The following PRELP variants were observed in gnomAD, a reference collection of about 807,000 sequenced individuals.
PRELP encodes prolargin.
A neutral mutation model predicts 22.8 loss-of-function variants in PRELP; 16 were observed. That is an observed-to-expected ratio of 0.70 (90% CI 0.47 to 1.06). The LOEUF (loss-of-function observed/expected upper bound fraction) is 1.06, where lower values mean the gene tolerates loss of function less well. Among genes scored for constraint, PRELP ranks in the 50% least tolerant of loss-of-function variants. The pLI is 0.00. For synonymous variants in PRELP, 233 were observed against 211.4 expected, an observed-to-expected ratio of 1.10 and a Z score of -0.89; for missense variants, 434 against 485.2, an observed-to-expected ratio of 0.89 and a Z score of 0.99.
At chr1:203,476,779 C>T (rs993690501) in intron 1 of PRELP, among the ~76,000 whole-genome samples, 2 of 152,112 alleles carry the variant, frequency 1.3e-5, no homozygotes, top group Admixed American at 6.5e-5. Flanking sequence ...AAGAAGAAAG[C>T]GACCCAGTTC....
chr1:203,480,202 C>T (rs1660976704), intron 1 of PRELP, among the ~76,000 whole-genome samples: 2 of 152,188 alleles, frequency 1.3e-5, no homozygotes, highest in Admixed American at 1.3e-4. Context: ...GCAGCTTTTC[C>T]AGAACTGATG....
chr1:203,479,588 A>G (rs1660963592), intron 1 of PRELP, among the ~76,000 whole-genome samples: 2 of 151,762 alleles, frequency 1.3e-5, no homozygotes, highest in Admixed American at 6.6e-5. Flanking sequence ...CTATAGTACT[A>G]GCTGCTCAGG....
intron 1 of PRELP, among the ~76,000 whole-genome samples, chr1:203,476,589 C>G (rs1660914453): frequency 6.6e-6 from 1 of 152,172 alleles, no homozygotes; most frequent in Non-Finnish European, 1.5e-5. Context: ...TCTTGCATCC[C>G]AAGTCCAGGC....
At position 203,490,201 on chromosome 1, in the gene PRELP, G is replaced by A. The variant is rs145384948; in HGVS notation, c.*3320G>A. ...GCTGGTCTGGAACTCCTGGCCTCAA[G>A]TGATCCTCCCACCTTGGCCTCCCCA... On this transcript the variant is annotated 3_prime_UTR_variant, in exon 3 of 3. Coordinates refer to ENST00000343110, the MANE Select transcript of PRELP (RefSeq NM_002725.4). The A allele has an allele frequency of 6.7e-6, 1 of 149,706 alleles. No homozygotes were observed. Among genetic ancestry groups the A allele is most frequent in the Non-Finnish European group, 1.5e-5 (1 of 67,614 alleles). The allele number at this position is 149,706 out of a possible 1,614,324, so 9.3% of individuals were successfully genotyped here.
intron 1 of PRELP, among the ~76,000 whole-genome samples, chr1:203,481,654 C>T (rs1310280232): frequency 6.6e-6 from 1 of 152,196 alleles, no homozygotes; most frequent in Non-Finnish European, 1.5e-5. Flanking sequence ...TCCTTCCCTT[C>T]CGCCTTCCTT....
intron 1 of PRELP, among the ~76,000 whole-genome samples, chr1:203,478,837 A>C (rs1571583461): frequency 6.6e-6 from 1 of 152,196 alleles, no homozygotes; most frequent in East Asian, 1.9e-4. Context: ...TCAGGACCAC[A>C]TCAGCCCTAA....
intron 1 of PRELP, among the ~76,000 whole-genome samples, chr1:203,482,089 G>A (rs28602481): frequency 0.067 from 10,203 of 152,150 alleles, 513 homozygotes; most frequent in East Asian, 0.2. Flanking sequence ...AAACCACTAG[G>A]TTATAGGATC....
intron 1 of PRELP, among the ~76,000 whole-genome samples, chr1:203,476,941 A>AG (rs1491374939): frequency 1.5e-5 from 1 of 68,612 alleles, no homozygotes; most frequent in African/African-American, 5.4e-5. Context: ...GGCAGAGGAG[A>AG]AAAAAAAAAA....
chr1:203,480,064 A>AC (rs1660974063), intron 1 of PRELP, among the ~76,000 whole-genome samples: 1 of 151,964 alleles, frequency 6.6e-6, no homozygotes, highest in Non-Finnish European at 1.5e-5. Context: ...ATACAGTGAG[A>AC]CCCCCATCTC....
chr1:203,483,106 A>T lies in PRELP; in HGVS notation c.-16-63A>T. ...CTAGTTCTGCCCAACTCTGGCTTCA[A>T]AAACATGACAACTAGTTACTGAGGG... is the stretch of plus-strand genomic sequence containing the variant. On this transcript the variant is annotated intron_variant, in intron 1 of 2. Transcript: ENST00000343110. The surrounding 1 kb of genome is among the most constrained non-coding windows in gnomAD (Gnocchi z 4.4). 2 of 1,380,628 alleles carry T rather than the reference A, an allele frequency of 1.4e-6. No homozygotes were observed. Among genetic ancestry groups the T allele is most frequent in the South Asian group, 2.9e-5 (2 of 69,936 alleles). The allele number at this position is 1,380,628 out of a possible 1,614,324, so 85.5% of individuals were successfully genotyped here. A position where few individuals can be genotyped will look rare whatever the true frequency, so the allele number is the denominator to read the frequency against.
chr1:203,486,764 G>C lies in PRELP; in HGVS notation c.1032G>C (p.Ser344=). The C allele has an allele frequency of 6.2e-7, 1 of 1,614,076 alleles. No individual in the cohort carries two copies. The highest frequency in any genetic ancestry group is 8.5e-7 in the Non-Finnish European group (1 of 1,179,978). ...TAGTGGCGTTCCATGACTTCTCCTC[G>C]GACCTGGAGAACGTGCCACACCTGC... ...NDLVAFHDFS[S]DLENVPHLRY... is the part of the protein sequence containing the mutation. Residue 344 remains serine, a synonymous_variant, in exon 3 of 3, where the codon TCG becomes TCC. Transcript: ENST00000343110.
rs966499372 is a variant in PRELP, at chr1:203,490,577, G to C, written c.*3696G>C. 1 of 152,198 alleles carries C rather than the reference G, an allele frequency of 6.6e-6. No homozygotes were observed. The highest frequency in any genetic ancestry group is 1.5e-5 in the Non-Finnish European group (1 of 68,038). The allele number at this position is 152,198 out of a possible 1,614,324, so 9.4% of individuals were successfully genotyped here. A position where few individuals can be genotyped will look rare whatever the true frequency, so the allele number is the denominator to read the frequency against. Reference sequence around the variant, plus strand: ...GTAGTGTGCATACAAAACAGTAAAAGAGCCATCTCAAGGACAGAGAGCATA... The same window carrying C: ...GTAGTGTGCATACAAAACAGTAAAACAGCCATCTCAAGGACAGAGAGCATA... On this transcript the variant is annotated 3_prime_UTR_variant, in exon 3 of 3. Coordinates refer to ENST00000343110, the MANE Select transcript of PRELP (RefSeq NM_002725.4).
intron 1 of PRELP, among the ~76,000 whole-genome samples, chr1:203,479,383 A>T (rs1418048319): frequency 6.6e-6 from 1 of 152,158 alleles, no homozygotes; most frequent in South Asian, 2.1e-4. Flanking sequence ...TGAGAGAGAT[A>T]GGGAAGGGGG....
intron 1 of PRELP, among the ~76,000 whole-genome samples, chr1:203,481,013 C>CCCCGT (rs1660990738): frequency 3.6e-5 from 1 of 27,586 alleles, no homozygotes; most frequent in East Asian, 4.2e-3. Context: ...GCCAAGGAAA[C>CCCCGT]CCCGCCCCGC....
At chr1:203,485,179 G>A (rs1050554528) in intron 2 of PRELP, among the ~76,000 whole-genome samples, 1 of 148,904 alleles carries the variant, frequency 6.7e-6, no homozygotes, top group Non-Finnish European at 1.5e-5. Context: ...AAAAAAAAAT[G>A]GGAAAAGGGG....
intron 2 of PRELP, among the ~76,000 whole-genome samples, chr1:203,485,070 T>C (rs957572456): frequency 1.3e-5 from 2 of 151,946 alleles, no homozygotes; most frequent in Non-Finnish European, 2.9e-5. Flanking sequence ...AGATGGAGAT[T>C]GTTGGTGTCT....
chr1:203,480,470 C>T (rs1660981304), intron 1 of PRELP, among the ~76,000 whole-genome samples: 1 of 152,200 alleles, frequency 6.6e-6, no homozygotes, highest in African/African-American at 2.4e-5. Flanking sequence ...AGTCCAGGTA[C>T]CCTCAGTCTG....
intron 1 of PRELP, among the ~76,000 whole-genome samples, chr1:203,482,691 G>A (rs772658239): frequency 2.8e-4 from 38 of 134,456 alleles, no homozygotes; most frequent in Non-Finnish European, 2.8e-4. Context: ...TCCGCCTCCC[G>A]GGTTCACGCC....
At position 203,483,706 on chromosome 1, in the gene PRELP, G is replaced by A. The variant is rs1661048257; in HGVS notation, c.522G>A (p.Glu174=). ...EVPSALPRNL[E]QLRLSQNHIS... ...CCTCGGCCCTGCCCCGGAACCTGGA[G>A]CAGCTGAGGCTGAGCCAGAACCACA... is the stretch of plus-strand genomic sequence containing the variant. Residue 174 remains glutamate (E), a synonymous_variant, in exon 2 of 3, where the codon GAG becomes GAA. Coordinates refer to ENST00000343110, the MANE Select transcript of PRELP (RefSeq NM_002725.4). The surrounding 1 kb of genome is among the most constrained non-coding windows in gnomAD (Gnocchi z 4.4). 2.5e-6 allele frequency: 4 copies of A among 1,614,244 alleles called. No individual in the cohort carries two copies. Among genetic ancestry groups the A allele is most frequent in the Non-Finnish European group, 8.5e-7 (1 of 1,180,048 alleles).
Sources: allele counts gnomAD v4.1 joint callset (sites outside exome capture counted in the v4.1 genomes callset), GRCh38; gene constraint gnomAD v4.1.1; non-coding constraint Gnocchi (gnomAD v3.1); transcripts MANE v1.5; gene names NCBI Gene and HGNC (gene_info 2026-07-23, HGNC 2026-07-21).